KMT2B: variants seen among roughly 807,000 people sequenced by gnomAD.
KMT2B encodes histone-lysine N-methyltransferase 2B.
In KMT2B, 22 loss-of-function variants were observed where a neutral mutation model predicts 255.3. That is an observed-to-expected ratio of 0.09 (90% confidence interval 0.06 to 0.12). KMT2B has a LOEUF of 0.12. KMT2B is among the 10% of genes least tolerant of loss of function. The pLI, the probability that KMT2B is intolerant of heterozygous loss-of-function variation, is 1.00. For missense variants in KMT2B, 3,149 were observed against 3,737.0 expected (o/e 0.84, Z 4.10); for synonymous variants, 1,730 against 1,498.1 (o/e 1.15, Z -3.57).
At position 35,738,795 on chromosome 19, in the gene KMT2B, C is replaced by T. The variant is rs190457793; in HGVS notation, c.*238C>T. On this transcript the variant is annotated 3_prime_UTR_variant, in exon 37 of 37. Transcript: ENST00000420124. The surrounding 1 kb of genome is among the most constrained non-coding windows in gnomAD (Gnocchi z 8.7). ...AGATATTGTACAAAGGTTTCTAAAT[C>T]CCTTCTTTTCTATGCACTTTTTTAT... 21 of 552,728 alleles carry T rather than the reference C, an allele frequency of 3.8e-5. No homozygotes were observed. The highest frequency in any genetic ancestry group is 3.2e-4 in the African/African-American group (17 of 53,144). 34.2% of individuals were successfully genotyped at this position (552,728 alleles called of 1,614,324 possible).
chr19:35,720,592 AC>A lies in KMT2B; in HGVS notation c.1249del (p.Leu417SerfsTer58). 1 of 670,904 alleles carries A rather than the reference AC, an allele frequency of 1.5e-6. No individual in the cohort carries two copies. The highest frequency in any genetic ancestry group is 2.2e-6 in the Non-Finnish European group (1 of 461,220). 41.6% of individuals were successfully genotyped at this position (670,904 alleles called of 1,614,324 possible). A position where few individuals can be genotyped will look rare whatever the true frequency, so the allele number is the denominator to read the frequency against. Reference sequence around the variant, plus strand: ...CTCCTCCAGCCCCTTCACCTCCTCCACCCCTCCCACCCCCTTCGACATCTCC... The same window carrying A: ...CTCCTCCAGCCCCTTCACCTCCTCCACCCTCCCACCCCCTTCGACATCTCC... ...LTPPAPSPPP[P>X]LPPPSTSPPP... On this transcript the variant is annotated frameshift_variant, in exon 3 of 37. Coordinates refer to ENST00000420124, the MANE Select transcript of KMT2B (RefSeq NM_014727.3). LOFTEE classifies it high-confidence loss of function.
chr19:35,721,788 T>G lies in KMT2B; in HGVS notation c.2441T>G (p.Val814Gly). ...FKIDQQQQQK[V>G]AASMPLSPGG... is the part of the protein sequence containing the mutation. ...ATCGATCAGCAGCAGCAGCAGAAGGTGGCAGCTTCCATGCCGGTGAGTGTG... is the reference window on the plus strand; with the variant it reads ...ATCGATCAGCAGCAGCAGCAGAAGGGGGCAGCTTCCATGCCGGTGAGTGTG... The change falls in exon 3 of 37, where the codon GTG (valine) becomes GGG (glycine). Residue 814 changes from valine to glycine, a missense_variant. Coordinates refer to ENST00000420124, the MANE Select transcript of KMT2B (RefSeq NM_014727.3). 1.9e-6 allele frequency: 3 copies of G among 1,591,636 alleles called. No individual in the cohort carries two copies. The highest frequency in any genetic ancestry group is 2.6e-6 in the Non-Finnish European group (3 of 1,167,012).
In KMT2B at chr19:35,732,621, C is replaced by G; in HGVS notation, c.6072C>G (p.Ser2024=). 6.2e-7 allele frequency: 1 copy of G among 1,611,894 alleles called. No homozygotes were observed. Residue 2024 remains serine, a synonymous_variant, in exon 28 of 37, where the codon TCC becomes TCG. Coordinates refer to ENST00000420124, the MANE Select transcript of KMT2B (RefSeq NM_014727.3). ...GCCACGGGGGCCCGGGGGACAGCTC[C>G]GAGGAGGAGTCCAGCCCCACCTCCC... ...GSSHGGPGDS[S]EEESSPTSRY... is the part of the protein sequence containing the mutation.
rs757655660 is a variant in KMT2B at position 35,718,372 on chromosome 19, C to T, written c.354C>T (p.Ser118=). Residue 118 remains serine (S), a synonymous_variant, in exon 1 of 37, where the codon TCC becomes TCT. Transcript: ENST00000420124. The surrounding 1 kb of genome is among the most constrained non-coding windows in gnomAD (Gnocchi z 5.0). ...VPEEESSDGE[S]DEEEFQGFHS... is the part of the protein sequence containing the mutation. ...AGGAGGAGAGCAGTGACGGGGAATC[C>T]GACGAGGAGGTGAGGCGGTTGGAGG... 3 of 1,269,684 alleles carry T rather than the reference C, an allele frequency of 2.4e-6. 1 individual carries two copies. Among genetic ancestry groups the T allele is most frequent in the South Asian group, 7.5e-5 (2 of 26,658 alleles). 78.7% of individuals were successfully genotyped at this position (1,269,684 alleles called of 1,614,324 possible).
At position 35,737,962 on chromosome 19, in the gene KMT2B, AG is replaced by A. The variant is rs765139806; in HGVS notation, c.7742+22del. The A allele has an allele frequency of 6.2e-7, 1 of 1,603,964 alleles. No individual in the cohort carries two copies. Among genetic ancestry groups the A allele is most frequent in the East Asian group, 2.2e-5 (1 of 44,582 alleles). ...CTACAGGTGAGTGGGGTTGGGGGGG[AG>A]GATGCCCCTTGGGTGGACGGACAGG... is the stretch of plus-strand genomic sequence containing the variant. On this transcript the variant is annotated intron_variant, in intron 35 of 36. Transcript: ENST00000420124. This position sits in a 1 kb window ranked among gnomAD's most constrained non-coding sequence, Gnocchi z 5.3.
chr19:35,725,452 T>C lies in KMT2B; in HGVS notation c.3643-27T>C. On this transcript the variant is annotated intron_variant, in intron 11 of 36. Coordinates refer to ENST00000420124, the MANE Select transcript of KMT2B (RefSeq NM_014727.3). The surrounding 1 kb of genome is among the most constrained non-coding windows in gnomAD (Gnocchi z 4.1). ...GCCCTCTGGCCTCATGCTATGCCCA[T>C]CATTCACTCCTTTACCCTGTCCCCA... 1 of 1,608,008 alleles carries C rather than the reference T, an allele frequency of 6.2e-7. No homozygotes were observed.
intron 14 of KMT2B, among the ~76,000 whole-genome samples, chr19:35,726,655 A>T (rs944171676): frequency 1.3e-5 from 2 of 152,170 alleles, no homozygotes; most frequent in Non-Finnish European, 2.9e-5. Context: ...GCAGTACATT[A>T]GCAAGGCCCT....
rs1969180714 is a variant in KMT2B, at chr19:35,721,125, C to G, written c.1778C>G (p.Pro593Arg). 6.2e-7 allele frequency: 1 copy of G among 1,608,610 alleles called. No homozygotes were observed. The highest frequency in any genetic ancestry group is 8.5e-7 in the Non-Finnish European group (1 of 1,178,094). The change falls in exon 3 of 37, where the codon CCA becomes CGA. Residue 593 changes from proline to arginine, a missense_variant. Physicochemically the swap from Pro to Arg is moderately radical, Grantham distance 103. Transcript: ENST00000420124. ...CGTGCCCCAACTCCTCCATCTACCC[C>G]AGTTCCACTCCCTGAGAAGAGACGG... ...PPRAPTPPST[P>R]VPLPEKRRSI...
rs1486583393 is a variant in KMT2B, at chr19:35,720,777, G to A, written c.1430G>A (p.Ser477Asn). The change falls in exon 3 of 37, where the codon AGC (serine) becomes AAC (asparagine). Residue 477 changes from serine to asparagine, a missense_variant. Transcript: ENST00000420124. ...AGGGGCCGGCCTCCCCTGACTCCCA[G>A]CCAGCGGGCGGAGCGGGAAGCTGCT... The part of the protein sequence containing the change: ...RKRGRPPLTP[S>N]QRAEREAARA... 5.4e-6 allele frequency: 8 copies of A among 1,482,308 alleles called. No homozygotes were observed. Among genetic ancestry groups the A allele is most frequent in the Non-Finnish European group, 7.2e-6 (8 of 1,112,964 alleles). 91.8% of individuals were successfully genotyped at this position (1,482,308 alleles called of 1,614,324 possible). A position where few individuals can be genotyped will look rare whatever the true frequency, so the allele number is the denominator to read the frequency against.
rs231592 is a variant in KMT2B, at chr19:35,728,308, A to G, written c.4571+137A>G. ...GCTGGAGAGGAGGGTGGTGGAACCC[A>G]GGTGAGATTCCCTGGTGGTTCTAGA... On this transcript the variant is annotated intron_variant, in intron 19 of 36. Transcript: ENST00000420124. 367,552 of 709,168 alleles carry G rather than the reference A, an allele frequency of 0.52. 99,495 individuals carry two copies. Among genetic ancestry groups the G allele is most frequent in the African/African-American group, 0.8 (44,987 of 56,330 alleles). The allele number at this position is 709,168 out of a possible 1,614,324, so 43.9% of individuals were successfully genotyped here. A position where few individuals can be genotyped will look rare whatever the true frequency, so the allele number is the denominator to read the frequency against.
At position 35,727,366 on chromosome 19, in the gene KMT2B, C is replaced by A; in HGVS notation, c.4118-72C>A. The A allele has an allele frequency of 6.3e-7, 1 of 1,589,350 alleles. No homozygotes were observed. Reference sequence around the variant, plus strand: ...AGGACTGGTGGGCTAAGGGTCCTTGCTGGCCTAGGGGCTGCTGGGAGCCCT... The same window carrying A: ...AGGACTGGTGGGCTAAGGGTCCTTGATGGCCTAGGGGCTGCTGGGAGCCCT... On this transcript the variant is annotated intron_variant, in intron 15 of 36. Coordinates refer to ENST00000420124, the MANE Select transcript of KMT2B (RefSeq NM_014727.3). The surrounding 1 kb of genome is among the most constrained non-coding windows in gnomAD (Gnocchi z 4.2).
Position 35,732,482 on chromosome 19 carries a change from A to G in KMT2B, c.5933A>G (p.Glu1978Gly). The change falls in exon 28 of 37, where the codon GAG (glutamate) becomes GGG (glycine). Residue 1978 changes from glutamate to glycine, a missense_variant. Physicochemically the swap from Glu to Gly is moderately conservative, Grantham distance 98. Transcript: ENST00000420124. Reference sequence around the variant, plus strand: ...CCTGAAGACCTGGGCCCAGACTTCGAGGACATGGAGGTGGTGTCAGGACTG... The same window carrying G: ...CCTGAAGACCTGGGCCCAGACTTCGGGGACATGGAGGTGGTGTCAGGACTG... ...PPPEDLGPDF[E>G]DMEVVSGLSA... 2 of 1,613,866 alleles carry G rather than the reference A, an allele frequency of 1.2e-6. No homozygotes were observed. The highest frequency in any genetic ancestry group is 2.2e-5 in the East Asian group (1 of 44,886).
chr19:35,719,642 ATGTGTTC>A, intron 2 of KMT2B, 101 bp downstream of exon 2: 1 of 1,506,668 alleles, frequency 6.6e-7, no homozygotes, highest in Non-Finnish European at 9.1e-7. Flanking sequence ...CAGTTGCCGA[ATGTGTTC>A]TGTGTTCAGA....
At chr19:35,736,375 G>T (rs1380788743) in intron 30 of KMT2B, 1 of 297,568 alleles carries the variant, frequency 3.4e-6, no homozygotes, top group African/African-American at 2.1e-5. Flanking sequence ...ATGACAGGTA[G>T]ATGGGATGTA....
In KMT2B at chr19:35,718,552, G is replaced by A. The variant is rs964604121; in HGVS notation, c.363+171G>A. Among the ~76,000 whole-genome samples, 1 of 152,224 alleles carries A rather than the reference G, an allele frequency of 6.6e-6. No homozygotes were observed. Among genetic ancestry groups the A allele is most frequent in the African/African-American group, 2.4e-5 (1 of 41,460 alleles). Reference sequence around the variant, plus strand: ...GCAGCTTCCGGGGGAAAGGGCCTCTGGAAGTGGGTAGAGAAGCCCCGGCTG... The same window carrying A: ...GCAGCTTCCGGGGGAAAGGGCCTCTAGAAGTGGGTAGAGAAGCCCCGGCTG... On this transcript the variant is annotated intron_variant, in intron 1 of 36. Transcript: ENST00000420124. The surrounding 1 kb of genome is among the most constrained non-coding windows in gnomAD (Gnocchi z 5.0).
chr19:35,729,133 A>G, intron 21 of KMT2B, 26 bp from the exon 22 acceptor site: 1 of 1,613,880 alleles, frequency 6.2e-7, no homozygotes, highest in South Asian at 1.1e-5. Context: ...GCCTCCCCAC[A>G]TCATGCCACT....
In KMT2B at chr19:35,737,159, C is replaced by T; in HGVS notation, c.7446C>T (p.Ala2482=). Residue 2482 remains alanine, a synonymous_variant, in exon 33 of 37, where the codon GCC becomes GCT. Coordinates refer to ENST00000420124, the MANE Select transcript of KMT2B (RefSeq NM_014727.3). This position sits in a 1 kb window ranked among gnomAD's most constrained non-coding sequence, Gnocchi z 5.3. ...VIFLAEQLPG[A]QRCQHYKFRY... is the part of the protein sequence containing the mutation. ...TCCTGGCCGAGCAGCTCCCCGGAGC[C>T]CAGCGTTGCCAGCACTATAAGTTCC... 4 of 1,608,402 alleles carry T rather than the reference C, an allele frequency of 2.5e-6. No individual in the cohort carries two copies. Among genetic ancestry groups the T allele is most frequent in the Non-Finnish European group, 3.4e-6 (4 of 1,177,326 alleles).
chr19:35,721,056 C>G lies in KMT2B; in HGVS notation c.1709C>G (p.Ser570Cys). 6.2e-7 allele frequency: 1 copy of G among 1,610,442 alleles called. No homozygotes were observed. The highest frequency in any genetic ancestry group is 8.5e-7 in the Non-Finnish European group (1 of 1,178,750). The stretch of plus-strand genomic sequence containing the variant: ...GTCCTGCGACCTCCCATTACCACCT[C>G]CCCACCTGTTCCCCAGGAGCCAGCA... ...SPVLRPPITT[S>C]PPVPQEPAPV... is the part of the protein sequence containing the mutation. Residue 570 changes from serine to cysteine, a missense_variant, in exon 3 of 37, where the codon TCC becomes TGC. Coordinates refer to ENST00000420124, the MANE Select transcript of KMT2B (RefSeq NM_014727.3).
rs751122295 is a variant in KMT2B, at chr19:35,724,981, C to T, written c.3430-8C>T. 1.3e-6 allele frequency: 2 copies of T among 1,598,068 alleles called. No individual in the cohort carries two copies. The highest frequency in any genetic ancestry group is 2.2e-5 in the East Asian group (1 of 44,802). ...GCAGCTCTGAATTCCCCCACCTTTCCTCCCCAGGATGCTTTGGCCCCTGGC... is the reference window on the plus strand; with the variant it reads ...GCAGCTCTGAATTCCCCCACCTTTCTTCCCCAGGATGCTTTGGCCCCTGGC... On this transcript the variant is annotated splice_polypyrimidine_tract_variant and splice_region_variant and intron_variant, in intron 9 of 36. Coordinates refer to ENST00000420124, the MANE Select transcript of KMT2B (RefSeq NM_014727.3).
Sources: gnomAD v4.1 joint callset for allele counts (sites outside exome capture counted in the v4.1 genomes callset) on GRCh38, gnomAD v4.1.1 for gene constraint, Gnocchi (gnomAD v3.1) non-coding constraint, MANE v1.5 for transcripts, NCBI Gene and HGNC (gene_info 2026-07-23, HGNC 2026-07-21) for gene names.